The following NEK11 variants were observed in gnomAD, a reference collection of about 807,000 sequenced individuals.
NEK11 encodes NIMA related kinase 11, also known as serine/threonine-protein kinase Nek11.
In NEK11, 72 loss-of-function variants were observed where a neutral mutation model predicts 80.7. The ratio of observed to expected loss-of-function variants is 0.89; its 90% confidence interval spans 0.74 to 1.08. NEK11 has a LOEUF of 1.08. NEK11 is among the 50% of genes least tolerant of loss of function. NEK11 has a pLI of 0.00. For synonymous variants in NEK11, 251 were observed against 260.7 expected, an observed-to-expected ratio of 0.96 and a Z score of 0.36; for missense variants, 764 against 763.6, an observed-to-expected ratio of 1.00 and a Z score of -0.01.
chr3:131,098,243 G>T (rs1280401527), intron 4 of NEK11, among the ~76,000 whole-genome samples: 1 of 152,148 alleles, frequency 6.6e-6, no homozygotes, highest in Non-Finnish European at 1.5e-5. Context: ...ACATAGGCAT[G>T]GGCAAGGACT....
intron 3 of NEK11, among the ~76,000 whole-genome samples, chr3:131,040,357 A>T (rs2066290635): frequency 6.6e-6 from 1 of 152,102 alleles, no homozygotes; most frequent in Admixed American, 6.5e-5. Context: ...GCCTGATGAA[A>T]TGTGTGGGGG....
At chr3:131,204,699 G>A (rs193143059) in intron 14 of NEK11, among the ~76,000 whole-genome samples, 7 of 151,942 alleles carry the variant, frequency 4.6e-5, no homozygotes, top group Admixed American at 4.6e-4. Flanking sequence ...GTACTACAAT[G>A]CAAATGTACA....
chr3:131,195,657 A>G (rs1475392733), intron 14 of NEK11, among the ~76,000 whole-genome samples: 5 of 152,032 alleles, frequency 3.3e-5, no homozygotes, highest in African/African-American at 1.2e-4. Context: ...AGGGACCTCC[A>G]TAGATGATGT....
chr3:131,102,408 AG>A (rs1287998468), intron 4 of NEK11, among the ~76,000 whole-genome samples: 6 of 152,176 alleles, frequency 3.9e-5, no homozygotes, highest in Non-Finnish European at 5.9e-5. Flanking sequence ...TTTTCTGAGA[AG>A]GGTTTTATTT....
At chr3:131,263,558 TG>T (rs2095977328) in intron 16 of NEK11, among the ~76,000 whole-genome samples, 1 of 152,122 alleles carries the variant, frequency 6.6e-6, no homozygotes. Context: ...GGGCTCTTTT[TG>T]TTTGATTTTC....
chr3:131,215,264 G>A (rs6794947), intron 14 of NEK11, among the ~76,000 whole-genome samples: 21,775 of 139,238 alleles, frequency 0.16, 2,283 homozygotes, highest in African/African-American at 0.3. Flanking sequence ...CACACACCGG[G>A]GCCTGTTGTG....
At chr3:131,217,811 C>T (rs1383269681) in intron 14 of NEK11, among the ~76,000 whole-genome samples, 1 of 152,170 alleles carries the variant, frequency 6.6e-6, no homozygotes, top group Non-Finnish European at 1.5e-5. Flanking sequence ...CTCACAACAA[C>T]AATTATAAAA....
intron 4 of NEK11, among the ~76,000 whole-genome samples, chr3:131,099,608 G>GT (rs1560397736): frequency 6.6e-6 from 1 of 152,048 alleles, no homozygotes; most frequent in African/African-American, 2.4e-5. Flanking sequence ...AGTATGGAAT[G>GT]TTTTTTCCAT....
At chr3:131,245,081 C>T (rs79284407) in intron 16 of NEK11, among the ~76,000 whole-genome samples, 3,537 of 152,084 alleles carry the variant, frequency 0.023, 128 homozygotes, top group African/African-American at 0.079. Context: ...TTATCACTCA[C>T]CTCTCTCCCA....
At chr3:131,196,592 G>A (rs1560907963) in intron 14 of NEK11, among the ~76,000 whole-genome samples, 1 of 151,772 alleles carries the variant, frequency 6.6e-6, no homozygotes, top group Non-Finnish European at 1.5e-5. Context: ...GGAGTAGAGT[G>A]GCATGATCTT....
intron 4 of NEK11, among the ~76,000 whole-genome samples, chr3:131,106,298 T>C (rs1263580991): frequency 2.0e-5 from 3 of 151,956 alleles, no homozygotes; most frequent in Non-Finnish European, 4.4e-5. Context: ...TTTTTTTTTT[T>C]TTTCCCATCC....
At chr3:131,229,936 T>G (rs909367367) in intron 15 of NEK11, among the ~76,000 whole-genome samples, 5 of 152,152 alleles carry the variant, frequency 3.3e-5, no homozygotes, top group African/African-American at 9.6e-5. Flanking sequence ...TCCCCATTTT[T>G]TTCCAACGGA....
chr3:131,115,299 G>A (rs1342855128), intron 5 of NEK11, among the ~76,000 whole-genome samples: 1 of 152,142 alleles, frequency 6.6e-6, no homozygotes, highest in Non-Finnish European at 1.5e-5. Flanking sequence ...TTACACTATT[G>A]GCTTTCCTGG....
At chr3:131,054,776 A>G (rs1171448731) in intron 3 of NEK11, among the ~76,000 whole-genome samples, 1 of 144,062 alleles carries the variant, frequency 6.9e-6, no homozygotes, top group African/African-American at 2.7e-5. Flanking sequence ...AAATAAATAA[A>G]TAAATAAATA....
chr3:131,338,389 G>T (rs1002316633), intron 17 of NEK11, among the ~76,000 whole-genome samples: 1 of 150,970 alleles, frequency 6.6e-6, no homozygotes, highest in Admixed American at 6.6e-5. Flanking sequence ...CAGTTGAGTG[G>T]TTTCTTCACA....
intron 3 of NEK11, among the ~76,000 whole-genome samples, chr3:131,075,551 T>C (rs2074209889): frequency 6.6e-6 from 1 of 152,208 alleles, no homozygotes; most frequent in Non-Finnish European, 1.5e-5. Context: ...TTTTAAAAGT[T>C]ATATATCATA....
chr3:131,045,451 A>G (rs141782385), intron 3 of NEK11, among the ~76,000 whole-genome samples: 2 of 152,230 alleles, frequency 1.3e-5, no homozygotes, highest in African/African-American at 2.4e-5. Context: ...ATGTATTTCC[A>G]TGGTTTTGAG....
intron 14 of NEK11, among the ~76,000 whole-genome samples, chr3:131,185,472 G>C (rs188585885): frequency 1.8e-4 from 27 of 152,200 alleles, no homozygotes; most frequent in Admixed American, 5.2e-4. Flanking sequence ...GCTTTTACTG[G>C]TTCAAAGATT....
At chr3:131,074,398 C>T (rs932470498) in intron 3 of NEK11, among the ~76,000 whole-genome samples, 4 of 152,058 alleles carry the variant, frequency 2.6e-5, no homozygotes, top group African/African-American at 9.7e-5. Flanking sequence ...TTTTATATGT[C>T]TCTTAAAAAA....
Sources: allele counts gnomAD v4.1 joint callset (sites outside exome capture counted in the v4.1 genomes callset), GRCh38; gene constraint gnomAD v4.1.1; transcripts MANE v1.5; gene names NCBI Gene and HGNC (gene_info 2026-07-23, HGNC 2026-07-21).